The following SMAP1 variants were observed in gnomAD, a reference collection of about 807,000 sequenced individuals.
The protein encoded by SMAP1 is small ArfGAP 1, also known as stromal membrane-associated protein 1.
SMAP1 carries 24 observed loss-of-function variants against 58.5 expected under a neutral mutation model. The observed-to-expected ratio is 0.41, with a 90% confidence interval of 0.30 to 0.58. The LOEUF (loss-of-function observed/expected upper bound fraction) is 0.58, where lower values mean the gene tolerates loss of function less well. Ranked by LOEUF, SMAP1 falls within the 20% of genes least tolerant of loss-of-function variation. The pLI, the probability that SMAP1 is intolerant of heterozygous loss-of-function variation, is 0.29. For missense variants in SMAP1, 563 were observed against 566.3 expected (o/e 0.99, Z 0.06); for synonymous variants, 216 against 196.6 (o/e 1.10, Z -0.82).
chr6:70,677,080 C>T (rs1378090340), intron 1 of SMAP1, among the ~76,000 whole-genome samples: 2 of 152,050 alleles, frequency 1.3e-5, no homozygotes, highest in Non-Finnish European at 2.9e-5. Flanking sequence ...TGTGAGCCAC[C>T]TCACCTTGCG....
At chr6:70,835,714 G>A (rs548000095) in intron 6 of SMAP1, among the ~76,000 whole-genome samples, 90 of 152,028 alleles carry the variant, frequency 5.9e-4, no homozygotes, top group African/African-American at 2.0e-3. Context: ...GCTATGTTGC[G>A]CAGGCTGGTC....
intron 6 of SMAP1, among the ~76,000 whole-genome samples, chr6:70,828,540 C>T (rs1190739071): frequency 6.6e-6 from 1 of 152,196 alleles, no homozygotes; most frequent in Non-Finnish European, 1.5e-5. Flanking sequence ...TTCTTCCTCA[C>T]TGCAGTTCAT....
At chr6:70,700,398 A>C (rs908482017) in intron 1 of SMAP1, among the ~76,000 whole-genome samples, 5 of 152,200 alleles carry the variant, frequency 3.3e-5, no homozygotes, top group African/African-American at 9.7e-5. Context: ...TCCCAGGTTC[A>C]AGCGATTCTT....
intron 1 of SMAP1, among the ~76,000 whole-genome samples, chr6:70,675,667 GAAAA>G (rs1242154224): frequency 2.0e-5 from 3 of 147,104 alleles, no homozygotes; most frequent in African/African-American, 7.5e-5. Flanking sequence ...AAAAAAAAAA[GAAAA>G]AAACAACTTG....
chr6:70,767,143 A>C (rs1187813223), intron 3 of SMAP1, among the ~76,000 whole-genome samples: 2 of 152,094 alleles, frequency 1.3e-5, no homozygotes, highest in Non-Finnish European at 1.5e-5. Context: ...TGTTTTGGTT[A>C]CTGTAGCCTT....
At chr6:70,850,203 G>A (rs987736990) in intron 7 of SMAP1, among the ~76,000 whole-genome samples, 2 of 152,154 alleles carry the variant, frequency 1.3e-5, no homozygotes, top group Non-Finnish European at 2.9e-5. Context: ...TAGTGGATGC[G>A]CTTTGTGATT....
At chr6:70,739,335 A>G (rs1023498443) in intron 2 of SMAP1, among the ~76,000 whole-genome samples, 22 of 152,284 alleles carry the variant, frequency 1.4e-4, no homozygotes, top group African/African-American at 5.3e-4. Flanking sequence ...TATAATTAAA[A>G]TCAATTTTAC....
chr6:70,762,365 T>TA (rs1766786897), intron 3 of SMAP1, among the ~76,000 whole-genome samples: 7 of 152,160 alleles, frequency 4.6e-5, no homozygotes, highest in Non-Finnish European at 8.8e-5. Flanking sequence ...ATAGACCAAC[T>TA]GTCCCACAAA....
chr6:70,732,421 C>T lies in SMAP1; in HGVS notation c.162C>T (p.Ile54=), dbSNP rs1296315890. Residue 54 remains isoleucine, a synonymous_variant, in exon 2 of 11, where the codon ATC becomes ATT. Transcript: ENST00000370455. The part of the protein sequence containing the change: ...ASWNIGVFIC[I]RCAGIHRNLG... ...GGAATATTGGTGTGTTTATTTGCAT[C>T]AGATGTGCTGGAATTCATAGAAATC... is the stretch of plus-strand genomic sequence containing the variant. The T allele has an allele frequency of 2.5e-6, 4 of 1,612,440 alleles. No individual in the cohort carries two copies. Among genetic ancestry groups the T allele is most frequent in the South Asian group, 1.1e-5 (1 of 90,876 alleles).
intron 3 of SMAP1, among the ~76,000 whole-genome samples, chr6:70,767,564 G>A (rs996410180): frequency 1.7e-4 from 26 of 151,278 alleles, no homozygotes; most frequent in African/African-American, 6.4e-4. Context: ...TGTTATTGGT[G>A]TATAAGAATG....
At chr6:70,745,712 A>C (rs1425104414) in intron 2 of SMAP1, among the ~76,000 whole-genome samples, 2 of 152,226 alleles carry the variant, frequency 1.3e-5, no homozygotes, top group Non-Finnish European at 2.9e-5. Flanking sequence ...TCTGTGAAGA[A>C]AGTCATTGGT....
At chr6:70,792,574 A>C (rs1768410945) in intron 5 of SMAP1, among the ~76,000 whole-genome samples, 1 of 152,158 alleles carries the variant, frequency 6.6e-6, no homozygotes, top group African/African-American at 2.4e-5. Context: ...GTACTGCAGG[A>C]GGCATCATTT....
rs141576608 is a variant in SMAP1, at chr6:70,854,019, C to T, written c.789+1355C>T. 1.4e-4 allele frequency among the ~76,000 whole-genome samples: 22 copies of T among 152,260 alleles called. 1 individual carries two copies. The highest frequency in any genetic ancestry group is 4.6e-4 in the African/African-American group (19 of 41,568). ...ACCTCTGAGGTTTCAGTGTACTTCA[C>T]GTGTTCTGTTCTGTATTAAAGCAGC... On this transcript the variant is annotated intron_variant, in intron 8 of 10. Coordinates refer to ENST00000370455, the MANE Select transcript of SMAP1 (RefSeq NM_001044305.3).
chr6:70,763,515 TAAAAGA>T (rs1188785241), intron 3 of SMAP1, among the ~76,000 whole-genome samples: 3 of 152,152 alleles, frequency 2.0e-5, no homozygotes, highest in Non-Finnish European at 4.4e-5. Context: ...AGTGTTCTAG[TAAAAGA>T]AAGAGTCTCA....
chr6:70,765,215 A>G (rs1024780836), intron 3 of SMAP1, among the ~76,000 whole-genome samples: 7 of 152,186 alleles, frequency 4.6e-5, no homozygotes, highest in African/African-American at 7.2e-5. Context: ...TAATGCCCCA[A>G]TTCTTTTCAT....
intron 1 of SMAP1, among the ~76,000 whole-genome samples, chr6:70,693,293 A>G (rs1216663842): frequency 8.3e-6 from 1 of 120,052 alleles, no homozygotes; most frequent in African/African-American, 3.1e-5. Context: ...GAAGAATGTC[A>G]TCTTCTTTTT....
intron 3 of SMAP1, among the ~76,000 whole-genome samples, chr6:70,771,107 G>C (rs527642662): frequency 5.9e-5 from 9 of 152,286 alleles, no homozygotes; most frequent in Non-Finnish European, 1.2e-4. Flanking sequence ...CGTTCCTCTG[G>C]AAGTTTTGTC....
intron 5 of SMAP1, among the ~76,000 whole-genome samples, chr6:70,795,894 C>T (rs999215524): frequency 1.3e-4 from 19 of 151,914 alleles, no homozygotes; most frequent in African/African-American, 3.1e-4. Context: ...CCCGCCACCA[C>T]GCCCGGCTAA....
chr6:70,831,906 C>G (rs907253623), intron 6 of SMAP1, among the ~76,000 whole-genome samples: 1 of 152,142 alleles, frequency 6.6e-6, no homozygotes, highest in African/African-American at 2.4e-5. Context: ...GTTCCCTTTT[C>G]TCCACAGCGT....
Sources: gnomAD v4.1 joint callset for allele counts (sites outside exome capture counted in the v4.1 genomes callset) on GRCh38, gnomAD v4.1.1 for gene constraint, MANE v1.5 for transcripts, NCBI Gene and HGNC (gene_info 2026-07-23, HGNC 2026-07-21) for gene names.